The following UPRT variants were observed in gnomAD, a reference collection of about 807,000 sequenced individuals.
UPRT encodes RP11-311P8.3.
In UPRT, 5 loss-of-function variants were observed where a neutral mutation model predicts 22.6. The ratio of observed to expected loss-of-function variants is 0.22; its 90% CI spans 0.12 to 0.47. The LOEUF is 0.47. Ranked by LOEUF, UPRT falls within the 20% of genes least tolerant of loss-of-function variation. The probability of loss-of-function intolerance (pLI) is 0.99; values close to 1 mark genes in which losing one functional copy is unlikely to be tolerated. For missense variants in UPRT, 181 were observed against 239.9 expected, an observed-to-expected ratio of 0.75 and a Z score of 1.62; for synonymous variants, 77 against 87.7, an observed-to-expected ratio of 0.88 and a Z score of 0.68.
chrX:75,279,377 C>G (rs756447558), intron 1 of UPRT, among the ~76,000 whole-genome samples: 44 of 110,801 alleles, frequency 4.0e-4, no homozygotes, highest in Non-Finnish European at 4.5e-4. Flanking sequence ...CGTGTGAGTC[C>G]TCTGACTTTT....
At chrX:75,287,097 G>GAT (rs1555977305) in intron 1 of UPRT, among the ~76,000 whole-genome samples, 2 of 110,140 alleles carry the variant, frequency 1.8e-5, no homozygotes, top group Non-Finnish European at 3.8e-5. Context: ...TGTAATTTAG[G>GAT]ATATATATAT....
intron 1 of UPRT, among the ~76,000 whole-genome samples, chrX:75,289,014 C>T (rs1266208857): frequency 9.0e-6 from 1 of 110,619 alleles, no homozygotes; most frequent in East Asian, 2.8e-4. Context: ...ATCAGTGTAC[C>T]AAAATCAGTA....
intron 1 of UPRT, among the ~76,000 whole-genome samples, chrX:75,290,133 A>G (rs868450163): frequency 3.6e-5 from 4 of 112,113 alleles, no homozygotes; most frequent in African/African-American, 1.3e-4. Flanking sequence ...CCCCTTAAAA[A>G]GGTGCAAAAG....
chrX:75,213,106 G>A (rs934273746), intron 4 of UPRT, among the ~76,000 whole-genome samples: 19 of 112,314 alleles, frequency 1.7e-4, no homozygotes, highest in African/African-American at 5.8e-4. Flanking sequence ...GGATTAAGCA[G>A]GTGTTTTATA....
At chrX:75,217,992 C>A (rs1365018694) in intron 4 of UPRT, among the ~76,000 whole-genome samples, 2 of 111,540 alleles carry the variant, frequency 1.8e-5, no homozygotes, top group Admixed American at 1.9e-4. Context: ...GACTTCATGT[C>A]TAAAACACCA....
intron 4 of UPRT, among the ~76,000 whole-genome samples, chrX:75,215,280 A>G (rs916193206): frequency 9.7e-6 from 1 of 102,772 alleles, no homozygotes; most frequent in Middle Eastern, 4.8e-3. Context: ...AAGACACAAA[A>G]TCAATAATCT....
At chrX:75,257,847 T>C (rs1348031047) in intron 4 of UPRT, among the ~76,000 whole-genome samples, 2 of 111,394 alleles carry the variant, frequency 1.8e-5, no homozygotes, top group African/African-American at 6.5e-5. Flanking sequence ...ATGAGATTGA[T>C]GCAGAAGAAG....
chrX:75,184,237 C>A (rs1278243305), intron 4 of UPRT, among the ~76,000 whole-genome samples: 1 of 112,199 alleles, frequency 8.9e-6, no homozygotes, highest in African/African-American at 3.2e-5. Context: ...CAGCTTTCTA[C>A]ATCTGGCTTG....
chrX:75,237,845 G>C (rs1464753698), intron 4 of UPRT, among the ~76,000 whole-genome samples: 1 of 106,406 alleles, frequency 9.4e-6, no homozygotes, highest in African/African-American at 3.4e-5. Flanking sequence ...TATACCTAAT[G>C]CTAGATGACG....
intron 4 of UPRT, among the ~76,000 whole-genome samples, chrX:75,189,898 A>C (rs1055768876): frequency 4.5e-5 from 5 of 112,025 alleles, no homozygotes; most frequent in African/African-American, 1.6e-4. Flanking sequence ...CATCTCCTGC[A>C]TATAGCACTC....
At chrX:75,244,124 G>T (rs919458387) in intron 4 of UPRT, among the ~76,000 whole-genome samples, 1 of 111,165 alleles carries the variant, frequency 9.0e-6, no homozygotes, top group African/African-American at 3.3e-5. Context: ...CAGACAAAAA[G>T]CAGAAAAATA....
chrX:75,250,387 C>T (rs185026833), intron 4 of UPRT, among the ~76,000 whole-genome samples: 136 of 110,416 alleles, frequency 1.2e-3, no homozygotes, highest in Non-Finnish European at 2.3e-3. Context: ...ATATCACCAC[C>T]GATCCCACAG....
chrX:75,217,447 T>G (rs2082396468), intron 4 of UPRT, among the ~76,000 whole-genome samples: 1 of 111,673 alleles, frequency 9.0e-6, no homozygotes, highest in Non-Finnish European at 1.9e-5. Context: ...GCATGGAATG[T>G]TCTTCCATTT....
chrX:75,256,222 T>C (rs1351014092), intron 4 of UPRT, among the ~76,000 whole-genome samples: 6 of 111,846 alleles, frequency 5.4e-5, no homozygotes, highest in African/African-American at 1.9e-4. Flanking sequence ...CCTTCAAAAC[T>C]ATGCAAATAC....
At chrX:75,286,563 G>A (rs2082681830) in intron 1 of UPRT, among the ~76,000 whole-genome samples, 1 of 111,638 alleles carries the variant, frequency 9.0e-6, no homozygotes, top group Non-Finnish European at 1.9e-5. Flanking sequence ...ATTCTTGTAT[G>A]TGGTAACCTT....
chrX:75,176,631 C>A (rs960382885), intron 4 of UPRT, among the ~76,000 whole-genome samples: 1 of 110,772 alleles, frequency 9.0e-6, no homozygotes, highest in Non-Finnish European at 1.9e-5. Flanking sequence ...TTGGAGATTT[C>A]TTTGCTTATT....
chrX:75,219,096 A>T (rs2082402592), intron 4 of UPRT, among the ~76,000 whole-genome samples: 1 of 112,283 alleles, frequency 8.9e-6, no homozygotes, highest in Middle Eastern at 4.2e-3. Flanking sequence ...GTTTATGATA[A>T]AACACTTGGA....
At chrX:75,187,893 T>G (rs748377886) in intron 4 of UPRT, among the ~76,000 whole-genome samples, 1 of 112,266 alleles carries the variant, frequency 8.9e-6, no homozygotes, top group East Asian at 2.8e-4. Flanking sequence ...TAAGCACTTC[T>G]CTGTATTGGT....
chrX:75,235,164 G>A (rs773015979), intron 4 of UPRT, among the ~76,000 whole-genome samples: 46 of 110,568 alleles, frequency 4.2e-4, no homozygotes, highest in African/African-American at 1.6e-3. Context: ...ACACATCTAT[G>A]CAAATAAACT....
Sources: gnomAD v4.1 joint callset for allele counts (sites outside exome capture counted in the v4.1 genomes callset) on GRCh38, gnomAD v4.1.1 for gene constraint, MANE v1.5 for transcripts, NCBI Gene and HGNC (gene_info 2026-07-23, HGNC 2026-07-21) for gene names.